CSMD1: variants seen among roughly 807,000 people sequenced by gnomAD.
CSMD1 encodes CUB and sushi domain-containing protein 1.
CSMD1 carries 213 observed loss-of-function variants against 417.5 expected under a neutral mutation model. The observed-to-expected ratio is 0.51, with a 90% CI of 0.46 to 0.57. The LOEUF (loss-of-function observed/expected upper bound fraction) is 0.57, where lower values mean the gene tolerates loss of function less well. Among genes scored for constraint, CSMD1 ranks in the 20% least tolerant of loss-of-function variants. CSMD1 has a pLI of 0.00. For missense variants in CSMD1, 6,923 were observed against 4,529.7 expected (o/e 1.53, Z -15.17); for synonymous variants, 2,862 against 1,736.8 (o/e 1.65, Z -16.11).
intron 40 of CSMD1, among the ~76,000 whole-genome samples, chr8:3,147,587 G>A (rs954643177): frequency 3.3e-5 from 5 of 152,118 alleles, no homozygotes; most frequent in African/African-American, 1.2e-4. Flanking sequence ...CAGCACAACC[G>A]CCATTGAGGC....
chr8:3,999,981 C>T (rs1369231600), intron 4 of CSMD1, among the ~76,000 whole-genome samples: 1 of 152,202 alleles, frequency 6.6e-6, no homozygotes, highest in Admixed American at 6.5e-5. Flanking sequence ...AATTATGCTA[C>T]CACGGTAGTG....
chr8:3,732,685 C>T (rs7827473), intron 6 of CSMD1, among the ~76,000 whole-genome samples: 42,114 of 151,800 alleles, frequency 0.28, 6,500 homozygotes, highest in East Asian at 0.41. Context: ...TTTTTTAAGA[C>T]AGAAAAAAAG....
chr8:4,605,494 A>C (rs1446035579), intron 2 of CSMD1, among the ~76,000 whole-genome samples: 5 of 152,202 alleles, frequency 3.3e-5, no homozygotes, highest in African/African-American at 1.2e-4. Flanking sequence ...CCCGACTGCC[A>C]ATTTACCTAA....
intron 5 of CSMD1, among the ~76,000 whole-genome samples, chr8:3,839,994 A>T (rs1803015888): frequency 6.6e-6 from 1 of 152,170 alleles, no homozygotes. Context: ...GATGCATTTA[A>T]AGGTCATGTC....
At chr8:4,037,854 C>A (rs1347644780) in intron 3 of CSMD1, among the ~76,000 whole-genome samples, 2 of 151,962 alleles carry the variant, frequency 1.3e-5, no homozygotes, top group Non-Finnish European at 2.9e-5. Flanking sequence ...TAAAGTAGAT[C>A]ATATATTCTC....
At chr8:3,253,219 G>A (rs1800402541) in intron 26 of CSMD1, among the ~76,000 whole-genome samples, 1 of 151,786 alleles carries the variant, frequency 6.6e-6, no homozygotes, top group African/African-American at 2.4e-5. Context: ...AGAGATTCTG[G>A]TATGTTGTGT....
At chr8:3,962,063 C>T (rs1441510828) in intron 5 of CSMD1, among the ~76,000 whole-genome samples, 1 of 152,160 alleles carries the variant, frequency 6.6e-6, no homozygotes, top group Non-Finnish European at 1.5e-5. Flanking sequence ...GGTGCACGGA[C>T]CATCATTCTC....
intron 3 of CSMD1, among the ~76,000 whole-genome samples, chr8:4,415,177 C>G (rs1303049260): frequency 2.0e-5 from 3 of 152,238 alleles, no homozygotes; most frequent in East Asian, 3.9e-4. Flanking sequence ...TCCAGGCTCT[C>G]TGAGCTCCAG....
chr8:3,108,312 G>A (rs1409784280), intron 44 of CSMD1, among the ~76,000 whole-genome samples: 2 of 152,134 alleles, frequency 1.3e-5, no homozygotes, highest in African/African-American at 4.8e-5. Context: ...TTGAGACAGG[G>A]ATGAGTAAAT....
intron 50 of CSMD1, among the ~76,000 whole-genome samples, chr8:3,047,913 G>A (rs72621190): frequency 0.24 from 36,970 of 152,102 alleles, 5,147 homozygotes; most frequent in East Asian, 0.33. Flanking sequence ...TTTATGCCGT[G>A]AAGGCATTCT....
At position 3,439,309 on chromosome 8, in the gene CSMD1, A is replaced by ATATATATTTTT; in HGVS notation, c.1561+29402_1561+29403insAAAAATATATA. Among the ~76,000 whole-genome samples, 209 of 62,350 alleles carry ATATATATTTTT rather than the reference A, an allele frequency of 3.4e-3. 3 individuals are homozygous for ATATATATTTTT. Among genetic ancestry groups the ATATATATTTTT allele is most frequent in the South Asian group, 9.9e-3 (13 of 1,316 alleles). 40.9% of individuals were successfully genotyped at this position (62,350 alleles called of 152,430 possible). On this transcript the variant is annotated intron_variant, in intron 12 of 69. Coordinates refer to ENST00000635120, the MANE Select transcript of CSMD1 (RefSeq NM_033225.6). Reference sequence around the variant, plus strand: ...TATATATATATATATATATATATATATTTTTTTTTTTAATATGTATTTTTA... The same window carrying ATATATATTTTT: ...TATATATATATATATATATATATATATATATATTTTTTTTTTTTTTTTAATATGTATTTTTA...
Position 4,392,249 on chromosome 8 carries a change from A to C in CSMD1, c.415+27704T>G, listed in dbSNP as rs76499580. On this transcript the variant is annotated intron_variant, in intron 3 of 69. Coordinates refer to ENST00000635120, the MANE Select transcript of CSMD1 (RefSeq NM_033225.6). ...TTTTTCAATTTACTTGTGAGGATAT[A>C]AACTGAAGAGTTATTTGCATGTAGC... is the stretch of plus-strand genomic sequence containing the variant. Among the ~76,000 whole-genome samples, 608 of 152,320 alleles carry C rather than the reference A, an allele frequency of 4.0e-3. 22 individuals carry two copies. The East Asian group carries it at 0.087, about 22-fold the overall frequency.
chr8:3,371,926 T>C (rs1010772910), intron 18 of CSMD1, among the ~76,000 whole-genome samples: 1 of 152,184 alleles, frequency 6.6e-6, no homozygotes, highest in Non-Finnish European at 1.5e-5. Context: ...CAACAAATCG[T>C]TATTGGGCAC....
chr8:4,134,697 T>C (rs966230329), intron 3 of CSMD1, among the ~76,000 whole-genome samples: 3 of 152,200 alleles, frequency 2.0e-5, no homozygotes, highest in Admixed American at 6.5e-5. Context: ...TTGATTTCTG[T>C]GAACCACACC....
intron 2 of CSMD1, among the ~76,000 whole-genome samples, chr8:4,425,047 G>A (rs1477831125): frequency 6.6e-6 from 1 of 151,946 alleles, no homozygotes; most frequent in Non-Finnish European, 1.5e-5. Flanking sequence ...AAAAACTATT[G>A]AGGATAATTT....
rs568290908 is a variant in CSMD1, at chr8:4,885,365, C to G, written c.85+108967G>C. 7.9e-5 allele frequency among the ~76,000 whole-genome samples: 12 copies of G among 152,098 alleles called. No individual in the cohort carries two copies. In the South Asian group the frequency reaches 2.5e-3, roughly 32 times the overall value. ...AATATGCTTTCTAAAACCTCTAGCACAATGTTGAACAGAAGTACCAAAAAG... is the reference window on the plus strand; with the variant it reads ...AATATGCTTTCTAAAACCTCTAGCAGAATGTTGAACAGAAGTACCAAAAAG... On this transcript the variant is annotated intron_variant, in intron 1 of 69. Transcript: ENST00000635120.
At chr8:3,304,935 T>C (rs990689425) in intron 25 of CSMD1, among the ~76,000 whole-genome samples, 3 of 152,084 alleles carry the variant, frequency 2.0e-5, no homozygotes, top group African/African-American at 7.2e-5. Flanking sequence ...AGTCATTCCA[T>C]TAGCATAGAT....
At position 3,388,781 on chromosome 8, in the gene CSMD1, A is replaced by T. The variant is rs546382235; in HGVS notation, c.2594-1099T>A. On this transcript the variant is annotated intron_variant, in intron 17 of 69. Transcript: ENST00000635120. ...AGTATGGCAGGAAAGCCTCCTTCCA[A>T]CTCTGGAGGAGCTTTCAATCTGCCA... is the stretch of plus-strand genomic sequence containing the variant. 3.9e-5 allele frequency among the ~76,000 whole-genome samples: 6 copies of T among 152,184 alleles called. No homozygotes were observed. The East Asian group carries it at 1.2e-3, about 29-fold the overall frequency.
At chr8:3,957,970 T>A (rs1203063907) in intron 5 of CSMD1, among the ~76,000 whole-genome samples, 1 of 152,184 alleles carries the variant, frequency 6.6e-6, no homozygotes, top group East Asian at 1.9e-4. Flanking sequence ...TGAAAATATT[T>A]TTACTTTCTT....
Sources: allele counts gnomAD v4.1 joint callset (sites outside exome capture counted in the v4.1 genomes callset), GRCh38; gene constraint gnomAD v4.1.1; transcripts MANE v1.5; gene names NCBI Gene and HGNC (gene_info 2026-07-23, HGNC 2026-07-21).